Variants in NFIC observed in about 807,000 individuals in gnomAD.
The protein encoded by NFIC is nuclear factor I C, also known as nuclear factor 1 C-type.
In NFIC, 12 loss-of-function variants were observed where a neutral mutation model predicts 54.4. That is an observed-to-expected ratio of 0.22 (90% CI 0.14 to 0.36). NFIC has a LOEUF of 0.36. Ranked by LOEUF, NFIC falls within the 10% of genes least tolerant of loss-of-function variation. The pLI, the probability that NFIC is intolerant of heterozygous loss-of-function variation, is 1.00. For synonymous variants in NFIC, 322 were observed against 319.2 expected (o/e 1.01, Z -0.09); for missense variants, 575 against 718.2 (o/e 0.80, Z 2.28).
At chr19:3,429,939 G>C (rs11671513) in intron 3 of NFIC, among the ~76,000 whole-genome samples, 3 of 151,964 alleles carry the variant, frequency 2.0e-5, no homozygotes, top group African/African-American at 7.3e-5. Context: ...CGCTGTTCTC[G>C]GAGCTTTGCA....
intron 2 of NFIC, among the ~76,000 whole-genome samples, chr19:3,417,029 G>A (rs1159616567): frequency 2.0e-5 from 3 of 149,666 alleles, no homozygotes; most frequent in South Asian, 2.1e-4. Flanking sequence ...GACTACAGGC[G>A]CCCGCCACCA....
chr19:3,374,820 G>A (rs34629182), intron 1 of NFIC, among the ~76,000 whole-genome samples: 3,565 of 152,228 alleles, frequency 0.023, 55 homozygotes, highest in Non-Finnish European at 0.034. Flanking sequence ...AGTGACAACC[G>A]GCCAACCAGG....
intron 9 of NFIC, 138 bp from the exon 10 acceptor site, chr19:3,456,412 A>T: frequency 1.3e-6 from 1 of 753,436 alleles, no homozygotes; most frequent in African/African-American, 1.8e-5. Context: ...GTAGGGCGGC[A>T]GGCTCGGAGG....
intron 3 of NFIC, among the ~76,000 whole-genome samples, chr19:3,430,617 C>T (rs1443207040): frequency 6.6e-6 from 1 of 152,022 alleles, no homozygotes; most frequent in Non-Finnish European, 1.5e-5. Context: ...CCCACGCATC[C>T]CCTTCTTGTC....
chr19:3,391,512 G>A (rs939118332), intron 2 of NFIC, among the ~76,000 whole-genome samples: 1 of 151,618 alleles, frequency 6.6e-6, no homozygotes, highest in Non-Finnish European at 1.5e-5. Flanking sequence ...TTAGCCAGTC[G>A]TAGGCCAGGC....
At chr19:3,462,724 C>T (rs2082659529) in intron 10 of NFIC, 28 bp from the exon 11 acceptor site, 3 of 1,612,982 alleles carry the variant, frequency 1.9e-6, no homozygotes, top group Admixed American at 1.7e-5. Flanking sequence ...TTCTCTCTCC[C>T]TCTTTCTGTC....
At chr19:3,396,160 G>A (rs895204548) in intron 2 of NFIC, among the ~76,000 whole-genome samples, 1 of 152,148 alleles carries the variant, frequency 6.6e-6, no homozygotes. Flanking sequence ...TGCTGGGCAC[G>A]GGAAGCCTGG....
chr19:3,441,509 G>A (rs2082293309), intron 6 of NFIC, among the ~76,000 whole-genome samples: 1 of 152,274 alleles, frequency 6.6e-6, no homozygotes, highest in South Asian at 2.1e-4. Context: ...CCCCATCGCT[G>A]TGGCCTGCAT....
chr19:3,385,431 A>AC (rs1300529705), intron 2 of NFIC, among the ~76,000 whole-genome samples: 1 of 152,100 alleles, frequency 6.6e-6, no homozygotes, highest in Admixed American at 6.6e-5. Flanking sequence ...TAAACCACCC[A>AC]CAAGGCATCG....
At chr19:3,396,209 C>T (rs1304154861) in intron 2 of NFIC, among the ~76,000 whole-genome samples, 1 of 152,144 alleles carries the variant, frequency 6.6e-6, no homozygotes, top group African/African-American at 2.4e-5. Flanking sequence ...CGGCGGCTCA[C>T]GCCTATAATC....
chr19:3,401,139 G>C (rs890967657), intron 2 of NFIC, among the ~76,000 whole-genome samples: 17 of 152,240 alleles, frequency 1.1e-4, no homozygotes, highest in African/African-American at 3.6e-4. Context: ...GGCTGCAGCA[G>C]AGTGAGGAGA....
intron 2 of NFIC, among the ~76,000 whole-genome samples, chr19:3,385,174 C>T (rs2081274807): frequency 6.6e-6 from 1 of 150,410 alleles, no homozygotes; most frequent in Non-Finnish European, 1.5e-5. Context: ...AGGCCACACC[C>T]TCCCCCAATT....
chr19:3,451,181 G>A (rs1393895811), intron 7 of NFIC, among the ~76,000 whole-genome samples: 1 of 152,212 alleles, frequency 6.6e-6, no homozygotes, highest in Non-Finnish European at 1.5e-5. Context: ...GTCATGCTCA[G>A]TAAGAGAAGC....
upstream of NFIC, chr19:3,366,420 A>G: frequency 2.1e-6 from 1 of 477,936 alleles, no homozygotes; most frequent in Non-Finnish European, 3.7e-6. Context: ...GAAGAGAGAG[A>G]CGGAGGGAGA....
intron 2 of NFIC, among the ~76,000 whole-genome samples, chr19:3,395,168 G>A (rs1429414869): frequency 6.6e-6 from 1 of 152,116 alleles, no homozygotes; most frequent in Non-Finnish European, 1.5e-5. Context: ...AGACCAGCCT[G>A]GCCAACGTGG....
intron 3 of NFIC, among the ~76,000 whole-genome samples, chr19:3,431,749 C>T (rs1316387723): frequency 2.6e-5 from 4 of 151,966 alleles, no homozygotes; most frequent in African/African-American, 9.7e-5. Context: ...CGAGATCCAC[C>T]CACCTCAGCT....
chr19:3,415,608 C>T (rs921024163), intron 2 of NFIC, among the ~76,000 whole-genome samples: 2 of 152,116 alleles, frequency 1.3e-5, no homozygotes, highest in Non-Finnish European at 2.9e-5. Context: ...ATCTGCTTCC[C>T]TCCCAGGCTA....
rs1173883663 is a variant in NFIC at position 3,449,049 on chromosome 19, A to C, written c.994A>C (p.Lys332Gln). The change falls in exon 7 of 11, where the codon AAG becomes CAG. Residue 332 changes from lysine (K) to glutamine (Q), a missense_variant. This residue lies in a region of NFIC where 447 missense variants were observed against 526.9 expected (regional missense o/e 0.85). Coordinates refer to ENST00000443272, the MANE Select transcript of NFIC (RefSeq NM_001245002.2). The part of the protein sequence containing the change: ...SSPVKKTEMD[K>Q]SPFNSPSPQD... ...CCCGGTGAAGAAGACAGAGATGGAC[A>C]AGTCACCATTCAACAGCCCGTCCCC... The C allele has an allele frequency of 6.2e-7, 1 of 1,613,354 alleles. No homozygotes were observed. Among genetic ancestry groups the C allele is most frequent in the Non-Finnish European group, 8.5e-7 (1 of 1,179,776 alleles).
chr19:3,452,568 C>G lies in NFIC; in HGVS notation c.1171C>G (p.His391Asp), dbSNP rs1328486723. The G allele has an allele frequency of 1.2e-6, 2 of 1,613,838 alleles. No homozygotes were observed. Among genetic ancestry groups the G allele is most frequent in the Non-Finnish European group, 1.7e-6 (2 of 1,180,018 alleles). The change falls in exon 8 of 11, where the codon CAC becomes GAC. Residue 391 changes from histidine (H) to aspartate (D), a missense_variant. Physicochemically the swap from His to Asp is moderately conservative, Grantham distance 81 (BLOSUM62 -1). This residue lies in a region of NFIC where 447 missense variants were observed against 526.9 expected (regional missense o/e 0.85). Transcript: ENST00000443272. This position sits in a 1 kb window ranked among gnomAD's most constrained non-coding sequence, Gnocchi z 5.3. ...LPQTASTYFP[H>D]TAIRYPPHLN... ...CCAGACGGCCTCCACCTACTTCCCC[C>G]ACACGGCCATCCGCTACCCACCTCA...
Sources: gnomAD v4.1 joint callset for allele counts (sites outside exome capture counted in the v4.1 genomes callset) on GRCh38, gnomAD v4.1.1 for gene constraint, gnomAD v4.1.1 regional missense constraint, Gnocchi (gnomAD v3.1) non-coding constraint, MANE v1.5 for transcripts, NCBI Gene and HGNC (gene_info 2026-07-23, HGNC 2026-07-21) for gene names.